OCA2: variants seen among roughly 807,000 people sequenced by gnomAD.
The protein encoded by OCA2 is P protein.
A neutral mutation model predicts 100.2 loss-of-function variants in OCA2; 77 were observed. The ratio of observed to expected loss-of-function variants is 0.77; its 90% CI spans 0.64 to 0.93. The LOEUF is 0.93. Ranked by LOEUF, OCA2 falls within the 40% of genes least tolerant of loss-of-function variation. The pLI is 0.00. For synonymous variants in OCA2, 432 were observed against 439.2 expected, an observed-to-expected ratio of 0.98 and a Z score of 0.21; for missense variants, 1,062 against 1,089.1, an observed-to-expected ratio of 0.98 and a Z score of 0.35.
chr15:27,788,044 T>A (rs1050270335), intron 23 of OCA2, among the ~76,000 whole-genome samples: 1 of 152,088 alleles, frequency 6.6e-6, no homozygotes, highest in Non-Finnish European at 1.5e-5. Flanking sequence ...CCAAATCCAT[T>A]TATGGTTCAT....
chr15:28,052,703 T>C (rs1338530191), intron 2 of OCA2, among the ~76,000 whole-genome samples: 1 of 152,240 alleles, frequency 6.6e-6, no homozygotes, highest in African/African-American at 2.4e-5. Context: ...ATTTCTGCAT[T>C]TTCACAGAGG....
the OCA2 span, among the ~76,000 whole-genome samples, chr15:27,729,961 C>T: frequency 6.6e-6 from 1 of 152,302 alleles, no homozygotes; most frequent in South Asian, 2.1e-4. Flanking sequence ...CCAACACCAA[C>T]AAATTATTTA....
chr15:27,755,378 T>A lies in OCA2; in HGVS notation c.*10A>T. 1 of 1,583,830 alleles carries A rather than the reference T, an allele frequency of 6.3e-7. No individual in the cohort carries two copies. The highest frequency in any genetic ancestry group is 1.1e-5 in the South Asian group (1 of 90,480). On this transcript the variant is annotated 3_prime_UTR_variant, in exon 24 of 24. Transcript: ENST00000354638. Reference sequence around the variant, plus strand: ...TTTCCTTTAGTCTTCGAGCAATAGATGGATGTCTATTAATTCCATCCCACC... The same window carrying A: ...TTTCCTTTAGTCTTCGAGCAATAGAAGGATGTCTATTAATTCCATCCCACC...
intron 1 of OCA2, among the ~76,000 whole-genome samples, chr15:28,093,075 A>G (rs922363910): frequency 8.5e-5 from 13 of 152,214 alleles, no homozygotes; most frequent in Non-Finnish European, 1.9e-4. Flanking sequence ...AAGACATTCA[A>G]GATCGTGAGC....
chr15:28,056,918 C>T (rs2043719460), intron 2 of OCA2, among the ~76,000 whole-genome samples: 1 of 152,260 alleles, frequency 6.6e-6, no homozygotes, highest in South Asian at 2.1e-4. Flanking sequence ...GCCCCAGCTG[C>T]CTGCCCCCTG....
chr15:27,821,663 C>T (rs948416855), intron 23 of OCA2, among the ~76,000 whole-genome samples: 1 of 151,682 alleles, frequency 6.6e-6, no homozygotes, highest in African/African-American at 2.4e-5. Flanking sequence ...GACACAGGCT[C>T]ACATGCATAC....
chr15:27,865,467 G>A (rs1239303908), intron 21 of OCA2, among the ~76,000 whole-genome samples: 4 of 152,308 alleles, frequency 2.6e-5, no homozygotes, highest in East Asian at 1.9e-4. Flanking sequence ...CTGACTGGGC[G>A]GCGAGAGCCC....
At chr15:28,016,616 C>T (rs1253158888) in intron 7 of OCA2, among the ~76,000 whole-genome samples, 3 of 151,798 alleles carry the variant, frequency 2.0e-5, no homozygotes, top group Non-Finnish European at 2.9e-5. Context: ...CCTGTCTGCA[C>T]AAAAAAGTTT....
chr15:27,828,197 G>A (rs1183799294), intron 23 of OCA2, among the ~76,000 whole-genome samples: 2 of 152,048 alleles, frequency 1.3e-5, no homozygotes, highest in African/African-American at 2.4e-5. Context: ...CTCCATTCCC[G>A]GCCTTCCTCC....
At chr15:27,742,343 G>A in the OCA2 span, among the ~76,000 whole-genome samples, 18 of 152,148 alleles carry the variant, frequency 1.2e-4, no homozygotes, top group African/African-American at 3.6e-4. Context: ...TGGAACCTTG[G>A]AGCAGACAGT....
chr15:27,791,102 T>A (rs1156572529), intron 23 of OCA2, among the ~76,000 whole-genome samples: 4 of 152,100 alleles, frequency 2.6e-5, no homozygotes, highest in East Asian at 1.9e-4. Context: ...ATTTTTTTTT[T>A]AATAATAAAT....
intron 4 of OCA2, among the ~76,000 whole-genome samples, chr15:28,025,798 T>TA (rs2042731323): frequency 6.6e-6 from 1 of 152,256 alleles, no homozygotes; most frequent in South Asian, 2.1e-4. Flanking sequence ...ATGCTTGATG[T>TA]ATGTGTGTAG....
At chr15:28,036,861 C>G (rs1237925609) in intron 2 of OCA2, among the ~76,000 whole-genome samples, 12 of 152,068 alleles carry the variant, frequency 7.9e-5, no homozygotes, top group Non-Finnish European at 1.5e-5. Context: ...GAGGTTTGCC[C>G]TCAGTCTTTC....
intron 9 of OCA2, among the ~76,000 whole-genome samples, chr15:27,994,113 T>A (rs2041644375): frequency 6.6e-6 from 1 of 152,154 alleles, no homozygotes; most frequent in African/African-American, 2.4e-5. Context: ...TGCCACGGAC[T>A]AGTACCAGGG....
chr15:27,723,881 G>C, the OCA2 span, among the ~76,000 whole-genome samples: 2 of 152,252 alleles, frequency 1.3e-5, no homozygotes, highest in South Asian at 4.1e-4. Flanking sequence ...CCAAAACCAG[G>C]ACACAGCCTC....
At chr15:27,993,372 C>T (rs111586054) in intron 9 of OCA2, among the ~76,000 whole-genome samples, 23 of 152,242 alleles carry the variant, frequency 1.5e-4, no homozygotes, top group African/African-American at 2.9e-4. Context: ...AAAGGACACG[C>T]ACACCCAGGA....
chr15:28,045,356 T>C (rs1167855886), intron 2 of OCA2, among the ~76,000 whole-genome samples: 1 of 152,236 alleles, frequency 6.6e-6, no homozygotes, highest in Non-Finnish European at 1.5e-5. Context: ...TGGTACACTG[T>C]GGTTCACATA....
the OCA2 span, among the ~76,000 whole-genome samples, chr15:27,734,032 C>T: frequency 3.8e-4 from 57 of 151,152 alleles, no homozygotes; most frequent in Admixed American, 1.5e-3. Flanking sequence ...TAGTGGTGCA[C>T]GACTGTAATC....
intron 10 of OCA2, 97 bp downstream of exon 10, chr15:27,990,479 A>G (rs1052072157): frequency 5.7e-6 from 7 of 1,227,762 alleles, no homozygotes; most frequent in Non-Finnish European, 8.4e-6. Flanking sequence ...TGGCATATAA[A>G]ATAGTGAAAA....
Sources: allele counts gnomAD v4.1 joint callset (sites outside exome capture counted in the v4.1 genomes callset), GRCh38; gene constraint gnomAD v4.1.1; transcripts MANE v1.5; gene names NCBI Gene and HGNC (gene_info 2026-07-23, HGNC 2026-07-21).